PLXDC2: variants seen among roughly 807,000 people sequenced by gnomAD.
PLXDC2 encodes plexin domain-containing protein 2.
Under a neutral mutation model 68.9 loss-of-function variants are expected in PLXDC2, and 40 were observed. The ratio of observed to expected loss-of-function variants is 0.58; its 90% CI spans 0.45 to 0.76. The LOEUF (loss-of-function observed/expected upper bound fraction) is 0.76. Ranked by LOEUF, PLXDC2 falls within the 30% of genes least tolerant of loss-of-function variation. The pLI is 0.00. For missense variants in PLXDC2, 644 were observed against 661.9 expected (o/e 0.97, Z 0.30); for synonymous variants, 243 against 234.2 (o/e 1.04, Z -0.34).
At chr10:19,935,921 G>A (rs777015465) in intron 1 of PLXDC2, among the ~76,000 whole-genome samples, 10 of 152,146 alleles carry the variant, frequency 6.6e-5, no homozygotes, top group Admixed American at 1.3e-4. Context: ...TCCTGTTACT[G>A]CTATTCCTAG....
chr10:20,099,081 A>G (rs1475098740), intron 4 of PLXDC2, among the ~76,000 whole-genome samples: 1 of 152,168 alleles, frequency 6.6e-6, no homozygotes, highest in African/African-American at 2.4e-5. Context: ...ATGAAAAAAT[A>G]TAGAAAATAA....
Position 20,285,997 on chromosome 10 carries a change from C to G in PLXDC2, c.*6178C>G, listed in dbSNP as rs892392298. ...TTGTCTGGAATAACTTTTCAACCAT[C>G]CAATGCCCACTGCTCTCACAATGAT... On this transcript the variant is annotated 3_prime_UTR_variant, in exon 14 of 14. Transcript: ENST00000377252. The G allele has an allele frequency of 1.3e-5, 2 of 152,184 alleles. No homozygotes were observed. Among genetic ancestry groups the G allele is most frequent in the African/African-American group, 4.8e-5 (2 of 41,442 alleles). 9.4% of individuals were successfully genotyped at this position (152,184 alleles called of 1,614,324 possible).
chr10:19,833,213 A>G (rs751544100), intron 1 of PLXDC2, among the ~76,000 whole-genome samples: 2 of 152,214 alleles, frequency 1.3e-5, no homozygotes, highest in Non-Finnish European at 2.9e-5. Context: ...TACCAGACAT[A>G]AAACCATATC....
At chr10:20,130,050 G>A (rs759954309) in intron 4 of PLXDC2, among the ~76,000 whole-genome samples, 9 of 151,846 alleles carry the variant, frequency 5.9e-5, no homozygotes, top group Non-Finnish European at 1.5e-5. Context: ...CTTTGAAAAT[G>A]CCATTGGGAT....
At chr10:20,165,237 T>A (rs182963762) in intron 7 of PLXDC2, among the ~76,000 whole-genome samples, 1 of 152,312 alleles carries the variant, frequency 6.6e-6, no homozygotes, top group Non-Finnish European at 1.5e-5. Flanking sequence ...TTGGCTTAAG[T>A]GTATGAGCAA....
chr10:19,948,168 T>C (rs1833933917), intron 1 of PLXDC2, among the ~76,000 whole-genome samples: 1 of 152,170 alleles, frequency 6.6e-6, no homozygotes, highest in Non-Finnish European at 1.5e-5. Flanking sequence ...AAGGTATCCT[T>C]GGCATGTGTT....
chr10:19,818,683 C>CA (rs1333676875), intron 1 of PLXDC2, among the ~76,000 whole-genome samples: 4 of 152,158 alleles, frequency 2.6e-5, no homozygotes, highest in African/African-American at 9.7e-5. Flanking sequence ...TGATTTATGA[C>CA]AGTAGACTAT....
chr10:20,086,705 C>T (rs1833202138), intron 4 of PLXDC2, among the ~76,000 whole-genome samples: 1 of 152,044 alleles, frequency 6.6e-6, no homozygotes, highest in Non-Finnish European at 1.5e-5. Context: ...CCTTCGAGAA[C>T]AGGATTCAAA....
chr10:19,872,752 C>T (rs1369012709), intron 1 of PLXDC2, among the ~76,000 whole-genome samples: 2 of 151,958 alleles, frequency 1.3e-5, no homozygotes, highest in Admixed American at 6.6e-5. Context: ...TGAGTTCCCT[C>T]CAGGCTGTTC....
intron 1 of PLXDC2, among the ~76,000 whole-genome samples, chr10:19,988,716 A>C (rs534200613): frequency 6.9e-6 from 1 of 144,862 alleles, no homozygotes; most frequent in African/African-American, 2.6e-5. Flanking sequence ...CCATCATTTG[A>C]TAAGGTCTAA....
chr10:20,019,295 G>A (rs754052248), intron 2 of PLXDC2, among the ~76,000 whole-genome samples: 5 of 152,196 alleles, frequency 3.3e-5, no homozygotes, highest in Non-Finnish European at 5.9e-5. Context: ...TTTTAGAGGT[G>A]TGATGAAGTA....
chr10:20,156,772 G>A (rs115609316), intron 6 of PLXDC2, among the ~76,000 whole-genome samples: 384 of 152,218 alleles, frequency 2.5e-3, no homozygotes, highest in African/African-American at 8.9e-3. Flanking sequence ...TTCAGGAGCT[G>A]TACAATAAAA....
At chr10:20,014,197 T>TTTCCTTCC (rs912652172) in intron 2 of PLXDC2, among the ~76,000 whole-genome samples, 4 of 122,806 alleles carry the variant, frequency 3.3e-5, no homozygotes, top group Admixed American at 2.4e-4. Context: ...CCCTCCCTTG[T>TTTCCTTCC]TTCCTTCCTT....
At chr10:20,236,035 GT>G (rs1361666500) in intron 12 of PLXDC2, among the ~76,000 whole-genome samples, 1 of 152,128 alleles carries the variant, frequency 6.6e-6, no homozygotes, top group East Asian at 1.9e-4. Context: ...AGAGAAAATA[GT>G]TTATTAACCT....
intron 4 of PLXDC2, among the ~76,000 whole-genome samples, chr10:20,101,153 T>C (rs183283960): frequency 1.4e-4 from 21 of 152,294 alleles, no homozygotes; most frequent in African/African-American, 4.8e-4. Context: ...CAGTGGCTTC[T>C]AAAAATGATG....
intron 1 of PLXDC2, among the ~76,000 whole-genome samples, chr10:19,897,726 C>A (rs966007976): frequency 1.3e-5 from 2 of 151,994 alleles, no homozygotes; most frequent in African/African-American, 4.8e-5. Flanking sequence ...AAAGCTGACA[C>A]CATGAGAAAT....
At chr10:19,969,093 A>T (rs1005909812) in intron 1 of PLXDC2, among the ~76,000 whole-genome samples, 1 of 152,144 alleles carries the variant, frequency 6.6e-6, no homozygotes, top group Non-Finnish European at 1.5e-5. Context: ...CAATTGTTTG[A>T]TTCTCTTCTA....
chr10:20,202,219 A>G (rs1834930398), intron 9 of PLXDC2, among the ~76,000 whole-genome samples: 1 of 152,184 alleles, frequency 6.6e-6, no homozygotes, highest in Admixed American at 6.6e-5. Context: ...TGCAACAAAT[A>G]TTTAGCTTCA....
chr10:19,838,948 G>T (rs1836850558), intron 1 of PLXDC2, among the ~76,000 whole-genome samples: 1 of 152,074 alleles, frequency 6.6e-6, no homozygotes, highest in Non-Finnish European at 1.5e-5. Flanking sequence ...CATTTTGTGA[G>T]GCCGAGGCCA....
Sources: gnomAD v4.1 joint callset for allele counts (sites outside exome capture counted in the v4.1 genomes callset) on GRCh38, gnomAD v4.1.1 for gene constraint, MANE v1.5 for transcripts, NCBI Gene and HGNC (gene_info 2026-07-23, HGNC 2026-07-21) for gene names.